The following ANKRD30A variants were observed in gnomAD, a reference collection of about 807,000 sequenced individuals.
The protein encoded by ANKRD30A is ankyrin repeat domain 30A, also known as ankyrin repeat domain-containing protein 30A.
In ANKRD30A, 170 loss-of-function variants were observed where a neutral mutation model predicts 166.3. That is an observed-to-expected ratio of 1.02 (90% CI 0.90 to 1.16). The LOEUF (loss-of-function observed/expected upper bound fraction) is 1.16, where lower values mean the gene tolerates loss of function less well. Ranked by LOEUF, ANKRD30A falls within the 50% of genes most tolerant of loss-of-function variation. The pLI, the probability that ANKRD30A is intolerant of heterozygous loss-of-function variation, is 0.00. For synonymous variants in ANKRD30A, 564 were observed against 508.9 expected (o/e 1.11, Z -1.46); for missense variants, 1,630 against 1,518.0 (o/e 1.07, Z -1.23).
chr10:37,142,929 T>C lies in ANKRD30A; in HGVS notation c.1393+639T>C, dbSNP rs143317244. Among the ~76,000 whole-genome samples, 312 of 152,236 alleles carry C rather than the reference T, an allele frequency of 2.0e-3. 1 individual carries two copies. Among genetic ancestry groups the C allele is most frequent in the African/African-American group, 7.0e-3 (289 of 41,552 alleles). On this transcript the variant is annotated intron_variant, in intron 7 of 35. Coordinates refer to ENST00000361713, the MANE Select transcript of ANKRD30A (RefSeq NM_052997.3). The stretch of plus-strand genomic sequence containing the variant: ...TAGTTAGCAACAGCTCCAATAATCA[T>C]GCTCTCTCAAGACAATATTTAAAGG...
chr10:37,223,619 A>G (rs976715760), intron 34 of ANKRD30A, among the ~76,000 whole-genome samples: 1 of 151,426 alleles, frequency 6.6e-6, no homozygotes, highest in Non-Finnish European at 1.5e-5. Flanking sequence ...AAATTCCACA[A>G]ATGATACTAA....
At chr10:37,207,601 G>A (rs1842066713) in intron 31 of ANKRD30A, among the ~76,000 whole-genome samples, 1 of 151,170 alleles carries the variant, frequency 6.6e-6, no homozygotes, top group African/African-American at 2.4e-5. Context: ...TTTAACTTGT[G>A]AAAAATTAGG....
At position 37,197,611 on chromosome 10, in the gene ANKRD30A, G is replaced by A. The variant is rs375776666; in HGVS notation, c.2716+131G>A. The A allele has an allele frequency of 3.6e-6, 5 of 1,380,912 alleles. No homozygotes were observed. In the East Asian group the frequency reaches 7.3e-5, roughly 20 times the overall value. The allele number at this position is 1,380,912 out of a possible 1,614,324, so 85.5% of individuals were successfully genotyped here. A position where few individuals can be genotyped will look rare whatever the true frequency, so the allele number is the denominator to read the frequency against. ...TTTGATCTAGGTAATGCCAATACTG[G>A]TATTGATGTTTGAAAAGCTGGTATT... On this transcript the variant is annotated intron_variant, in intron 29 of 35. Coordinates refer to ENST00000361713, the MANE Select transcript of ANKRD30A (RefSeq NM_052997.3).
At chr10:37,159,950 C>T (rs1018810058) in intron 15 of ANKRD30A, among the ~76,000 whole-genome samples, 11 of 152,090 alleles carry the variant, frequency 7.2e-5, no homozygotes, top group Admixed American at 6.6e-4. Flanking sequence ...CCGCCCACCT[C>T]GGCCTCCCAA....
chr10:37,247,273 G>C, the ANKRD30A span, among the ~76,000 whole-genome samples: 485 of 152,214 alleles, frequency 3.2e-3, 3 homozygotes, highest in African/African-American at 0.011. Flanking sequence ...TTATCATCCT[G>C]GCTCAGGTAA....
chr10:37,127,414 C>T lies in ANKRD30A; in HGVS notation c.221+1406C>T, dbSNP rs192334167. On this transcript the variant is annotated intron_variant, in intron 1 of 35. Transcript: ENST00000361713. ...TTTTTAAGAAGCTCAGAAGCAAGCA[C>T]TCTGAAGGGCAATTTAGTAAAACAG... 1.9e-3 allele frequency among the ~76,000 whole-genome samples: 286 copies of T among 152,200 alleles called. 1 individual carries two copies. The highest frequency in any genetic ancestry group is 2.1e-3 in the Non-Finnish European group (141 of 68,006).
chr10:37,147,367 C>T lies in ANKRD30A; in HGVS notation c.1456-3C>T, dbSNP rs2132546705. The T allele has an allele frequency of 6.4e-7, 1 of 1,565,436 alleles. No homozygotes were observed. Among genetic ancestry groups the T allele is most frequent in the South Asian group, 1.2e-5 (1 of 83,866 alleles). ...AATTATCTATTGATACTACTTTTAA[C>T]AGAGTCTCTTTGAGAGTTCTGCAAA... On this transcript the variant is annotated splice_region_variant and splice_polypyrimidine_tract_variant and intron_variant, in intron 8 of 35. Coordinates refer to ENST00000361713, the MANE Select transcript of ANKRD30A (RefSeq NM_052997.3).
At chr10:37,251,931 G>A in the ANKRD30A span, among the ~76,000 whole-genome samples, 1 of 152,074 alleles carries the variant, frequency 6.6e-6, no homozygotes, top group African/African-American at 2.4e-5. Flanking sequence ...GTACTCCCAT[G>A]GTTGCTCCTA....
intron 15 of ANKRD30A, among the ~76,000 whole-genome samples, chr10:37,161,781 A>G (rs185410903): frequency 6.6e-6 from 1 of 152,304 alleles, no homozygotes; most frequent in African/African-American, 2.4e-5. Context: ...CATTGGCTTT[A>G]TGTTTAAGGA....
the ANKRD30A span, chr10:37,240,984 C>T: frequency 6.6e-6 from 1 of 152,088 alleles, no homozygotes; most frequent in African/African-American, 2.4e-5. Flanking sequence ...GATACATAAT[C>T]ATAATGATAA....
rs369354477 is a variant in ANKRD30A at position 37,142,297 on chromosome 10, T to C, written c.1393+7T>C. ...ACAAAAGCAAGTGCCAATGGTAAGA[T>C]GCTAGAGCGAACTTTGTAAGGTTTA... On this transcript the variant is annotated splice_region_variant and intron_variant, in intron 7 of 35. Coordinates refer to ENST00000361713, the MANE Select transcript of ANKRD30A (RefSeq NM_052997.3). The C allele has an allele frequency of 1.3e-6, 2 of 1,576,164 alleles. No individual in the cohort carries two copies. The highest frequency in any genetic ancestry group is 1.7e-6 in the Non-Finnish European group (2 of 1,167,482).
At chr10:37,248,829 T>TG in the ANKRD30A span, among the ~76,000 whole-genome samples, 1 of 152,264 alleles carries the variant, frequency 6.6e-6, no homozygotes, top group Admixed American at 6.5e-5. Context: ...CAGAGGGGTC[T>TG]GTCACATAGA....
chr10:37,171,679 C>G lies in ANKRD30A; in HGVS notation c.2257+1955C>G, dbSNP rs553426727. Among the ~76,000 whole-genome samples the G allele has an allele frequency of 1.7e-4, 25 of 151,196 alleles. No individual in the cohort carries two copies. In the South Asian group the frequency reaches 3.8e-3, roughly 23 times the overall value. On this transcript the variant is annotated intron_variant, in intron 21 of 35. Transcript: ENST00000361713. ...TATGAAATAATGTCTGAAGTTGCACCTCTGAGTCTTTTTTCTCTTTTTCTT... is the reference window on the plus strand; with the variant it reads ...TATGAAATAATGTCTGAAGTTGCACGTCTGAGTCTTTTTTCTCTTTTTCTT...
At chr10:37,247,860 C>A in the ANKRD30A span, among the ~76,000 whole-genome samples, 4 of 138,454 alleles carry the variant, frequency 2.9e-5, no homozygotes, top group African/African-American at 8.1e-5. Context: ...CCAGCCTGGG[C>A]GACAGAGTGA....
chr10:37,145,646 T>C (rs1837448424), intron 8 of ANKRD30A, among the ~76,000 whole-genome samples: 1 of 152,260 alleles, frequency 6.6e-6, no homozygotes, highest in Non-Finnish European at 1.5e-5. Flanking sequence ...ACATGAGTTC[T>C]GAGGTGAAAT....
intron 25 of ANKRD30A, among the ~76,000 whole-genome samples, chr10:37,192,260 T>C (rs1417143799): frequency 1.3e-5 from 2 of 151,880 alleles, no homozygotes; most frequent in African/African-American, 4.8e-5. Flanking sequence ...GCCAGGCTGG[T>C]TTGGAACTCC....
intron 13 of ANKRD30A, among the ~76,000 whole-genome samples, chr10:37,155,790 T>G (rs2132572926): frequency 6.6e-6 from 1 of 152,280 alleles, no homozygotes; most frequent in Middle Eastern, 3.4e-3. Context: ...TCATTTATTT[T>G]AAGATTTCAG....
In ANKRD30A at chr10:37,193,081, G is replaced by T; in HGVS notation, c.2530G>T (p.Gly844Cys). Reference sequence around the variant, plus strand: ...TCTTTTAGAGTCTCCTGATAATGATGGTTTTCTGAAGGTAATAACTTTTAT... The same window carrying T: ...TCTTTTAGAGTCTCCTGATAATGATTGTTTTCTGAAGGTAATAACTTTTAT... ...GKLEESPDND[G>C]FLKAPCRMKV... is the part of the protein sequence containing the mutation. The change falls in exon 26 of 36, where the codon GGT (glycine) becomes TGT (cysteine). Residue 844 changes from glycine (G) to cysteine (C), a missense_variant. By Grantham distance (159) the Gly-to-Cys change is radical (BLOSUM62 -3). Transcript: ENST00000361713. 6.2e-7 allele frequency: 1 copy of T among 1,609,272 alleles called. No homozygotes were observed. The highest frequency in any genetic ancestry group is 1.1e-5 in the South Asian group (1 of 90,850).
At chr10:37,255,055 C>A in the ANKRD30A span, among the ~76,000 whole-genome samples, 1 of 152,088 alleles carries the variant, frequency 6.6e-6, no homozygotes, top group African/African-American at 2.4e-5. Flanking sequence ...GGTTCATTTT[C>A]TTTTATCACT....
Sources: gnomAD v4.1 joint callset for allele counts (sites outside exome capture counted in the v4.1 genomes callset) on GRCh38, gnomAD v4.1.1 for gene constraint, MANE v1.5 for transcripts, NCBI Gene and HGNC (gene_info 2026-07-23, HGNC 2026-07-21) for gene names.